Variants in PRELID2 observed in about 807,000 individuals in gnomAD.
The protein encoded by PRELID2 is PRELI domain containing 2.
In PRELID2, 25 loss-of-function variants were observed where a neutral mutation model predicts 28.4. That is an observed-to-expected ratio of 0.88 (90% CI 0.64 to 1.23). The LOEUF is 1.23. Ranked by LOEUF, PRELID2 falls within the 50% of genes most tolerant of loss-of-function variation. The pLI, the probability that PRELID2 is intolerant of heterozygous loss-of-function variation, is 0.00. For missense variants in PRELID2, 201 were observed against 214.4 expected (o/e 0.94, Z 0.39); for synonymous variants, 76 against 71.6 (o/e 1.06, Z -0.31).
intron 1 of PRELID2, among the ~76,000 whole-genome samples, chr5:145,638,392 C>T (rs1315904662): frequency 2.0e-5 from 3 of 151,668 alleles, no homozygotes; most frequent in Non-Finnish European, 2.9e-5. Flanking sequence ...TCACCCCCTT[C>T]CCCCACACAC....
At chr5:145,790,721 GTATA>G (rs59779850) in intron 5 of PRELID2, among the ~76,000 whole-genome samples, 1,465 of 110,904 alleles carry the variant, frequency 0.013, 20 homozygotes, top group Middle Eastern at 0.032. Flanking sequence ...GTGTGTGTGT[GTATA>G]TATATATATA....
intron 1 of PRELID2, among the ~76,000 whole-genome samples, chr5:145,826,424 C>A (rs766546422): frequency 4.6e-5 from 7 of 152,184 alleles, no homozygotes; most frequent in Non-Finnish European, 1.0e-4. Context: ...ATCCCACAGG[C>A]TGCATACATA....
At chr5:145,818,166 T>G in intron 3 of PRELID2, 112 bp from the exon 4 acceptor site, 2 of 1,082,360 alleles carry the variant, frequency 1.8e-6, no homozygotes, top group Non-Finnish European at 2.7e-6. Flanking sequence ...GTAATCCTGA[T>G]ACATGGATGA....
chr5:145,796,681 A>G (rs80095613), intron 4 of PRELID2, 134 bp from the exon 5 acceptor site: 9,420 of 441,308 alleles, frequency 0.021, 586 homozygotes, highest in African/African-American at 0.15. Context: ...ATAACTACCT[A>G]TTATAAGAAG....
chr5:145,665,925 G>A (rs1315516098), intron 1 of PRELID2, among the ~76,000 whole-genome samples: 1 of 144,380 alleles, frequency 6.9e-6, no homozygotes, highest in African/African-American at 2.6e-5. Context: ...AACTTTTTTT[G>A]TAAGTAATAG....
intron 1 of PRELID2, among the ~76,000 whole-genome samples, chr5:145,521,206 G>A (rs1348003898): frequency 1.3e-5 from 2 of 152,166 alleles, no homozygotes; most frequent in African/African-American, 2.4e-5. Flanking sequence ...ATATTTAAAT[G>A]TTCCGACCAT....
chr5:145,301,028 A>C, the PRELID2 span, among the ~76,000 whole-genome samples: 1 of 152,080 alleles, frequency 6.6e-6, no homozygotes, highest in South Asian at 2.1e-4. Context: ...TATTGTGCAT[A>C]CTTTTTCCCC....
chr5:145,778,874 C>G (rs1312618422), intron 5 of PRELID2, among the ~76,000 whole-genome samples: 3 of 152,130 alleles, frequency 2.0e-5, no homozygotes, highest in Non-Finnish European at 4.4e-5. Flanking sequence ...AGGTTTCCAG[C>G]CAGAAAAATG....
At chr5:145,413,530 T>A in the PRELID2 span, among the ~76,000 whole-genome samples, 2 of 152,034 alleles carry the variant, frequency 1.3e-5, no homozygotes, top group Non-Finnish European at 2.9e-5. Flanking sequence ...TTCATATGCA[T>A]GTTGATAGCA....
chr5:145,397,052 G>A, the PRELID2 span, among the ~76,000 whole-genome samples: 1 of 152,066 alleles, frequency 6.6e-6, no homozygotes, highest in Admixed American at 6.6e-5. Flanking sequence ...ATAGTCTACT[G>A]CTATTCTTAA....
chr5:145,454,725 T>A, the PRELID2 span, among the ~76,000 whole-genome samples: 1 of 152,336 alleles, frequency 6.6e-6, no homozygotes, highest in African/African-American at 2.4e-5. Flanking sequence ...ATTCCTCTAA[T>A]GGCCAGTGAT....
intron 5 of PRELID2, among the ~76,000 whole-genome samples, chr5:145,775,423 C>T (rs184134548): frequency 1.3e-5 from 2 of 152,248 alleles, no homozygotes; most frequent in Admixed American, 6.5e-5. Flanking sequence ...TCTACATCTG[C>T]GTGGTTTTAA....
At chr5:145,546,463 T>A (rs1018505621) in intron 1 of PRELID2, among the ~76,000 whole-genome samples, 3 of 152,158 alleles carry the variant, frequency 2.0e-5, no homozygotes, top group African/African-American at 7.2e-5. Context: ...TTCCAAGATG[T>A]ACACTTGTAA....
At chr5:145,263,125 CA>C in the PRELID2 span, among the ~76,000 whole-genome samples, 1 of 151,990 alleles carries the variant, frequency 6.6e-6, no homozygotes, top group African/African-American at 2.4e-5. Context: ...ACTCACCCAA[CA>C]GGAAAATATT....
At chr5:145,786,829 C>G (rs746022776) in intron 5 of PRELID2, among the ~76,000 whole-genome samples, 3 of 152,196 alleles carry the variant, frequency 2.0e-5, no homozygotes, top group Non-Finnish European at 4.4e-5. Flanking sequence ...TTATCTCCCA[C>G]TACTAAAATG....
intron 5 of PRELID2, among the ~76,000 whole-genome samples, chr5:145,787,262 C>T (rs886902071): frequency 6.6e-6 from 1 of 152,184 alleles, no homozygotes; most frequent in Non-Finnish European, 1.5e-5. Context: ...AAAAAGAATG[C>T]TTGCATAACA....
chr5:145,736,342 A>T (rs1264998623), intron 1 of PRELID2, among the ~76,000 whole-genome samples: 1 of 152,180 alleles, frequency 6.6e-6, no homozygotes, highest in African/African-American at 2.4e-5. Context: ...CATTGTCAGA[A>T]TGATGAGGAA....
At chr5:145,707,507 C>A (rs950280542) in intron 1 of PRELID2, among the ~76,000 whole-genome samples, 1 of 152,106 alleles carries the variant, frequency 6.6e-6, no homozygotes, top group Non-Finnish European at 1.5e-5. Flanking sequence ...TTTAAAAAAT[C>A]TCCGCTAAGT....
chr5:145,786,867 A>AT (rs1752024467), intron 5 of PRELID2, among the ~76,000 whole-genome samples: 2 of 152,214 alleles, frequency 1.3e-5, no homozygotes, highest in Non-Finnish European at 2.9e-5. Flanking sequence ...AATAACAAGC[A>AT]TACACCCCAA....
Sources: gnomAD v4.1 joint callset for allele counts (sites outside exome capture counted in the v4.1 genomes callset) on GRCh38, gnomAD v4.1.1 for gene constraint, MANE v1.5 for transcripts, NCBI Gene and HGNC (gene_info 2026-07-23, HGNC 2026-07-21) for gene names.